The following RBMS3 variants were observed in gnomAD, a reference collection of about 807,000 sequenced individuals.
RBMS3 encodes the protein RNA binding motif single stranded interacting protein 3, also known as RNA-binding motif, single-stranded-interacting protein 3.
RBMS3 carries 27 observed loss-of-function variants against 66.8 expected under a neutral mutation model. The observed-to-expected ratio is 0.40, with a 90% CI of 0.30 to 0.56. RBMS3 has a LOEUF of 0.56. Among genes scored for constraint, RBMS3 ranks in the 20% least tolerant of loss-of-function variants. The pLI is 0.40. For missense variants in RBMS3, 513 were observed against 549.5 expected, an observed-to-expected ratio of 0.93 and a Z score of 0.66; for synonymous variants, 188 against 183.0, an observed-to-expected ratio of 1.03 and a Z score of -0.22.
intron 2 of RBMS3, among the ~76,000 whole-genome samples, chr3:29,486,169 G>A (rs976966605): frequency 6.6e-6 from 1 of 152,090 alleles, no homozygotes; most frequent in African/African-American, 2.4e-5. Flanking sequence ...TGTTGACTTT[G>A]CAGATCACAG....
chr3:29,352,701 A>T (rs887454737), intron 1 of RBMS3, among the ~76,000 whole-genome samples: 2 of 151,976 alleles, frequency 1.3e-5, no homozygotes, highest in Non-Finnish European at 2.9e-5. Flanking sequence ...GTCTAACTGT[A>T]TGTTTGTACC....
At chr3:29,853,894 G>A (rs994619690) in intron 6 of RBMS3, among the ~76,000 whole-genome samples, 6 of 152,142 alleles carry the variant, frequency 3.9e-5, no homozygotes, top group African/African-American at 1.4e-4. Context: ...AGGGAGACCT[G>A]GGTGATCAGC....
chr3:29,973,712 A>G (rs768343288), intron 12 of RBMS3, among the ~76,000 whole-genome samples: 5 of 151,974 alleles, frequency 3.3e-5, no homozygotes, highest in Non-Finnish European at 5.9e-5. Context: ...ATTCTATCCT[A>G]GAATTTATCT....
intron 2 of RBMS3, among the ~76,000 whole-genome samples, chr3:29,470,967 C>G (rs1341670609): frequency 6.6e-6 from 1 of 151,894 alleles, no homozygotes; most frequent in Non-Finnish European, 1.5e-5. Flanking sequence ...TGTAACTTGC[C>G]CTGATAAAAT....
chr3:29,928,474 T>C (rs2061013399), intron 10 of RBMS3, among the ~76,000 whole-genome samples: 2 of 151,952 alleles, frequency 1.3e-5, no homozygotes, highest in Admixed American at 1.3e-4. Context: ...CTTGTGCTGT[T>C]TTTGATTCCT....
intron 4 of RBMS3, among the ~76,000 whole-genome samples, chr3:29,646,586 G>A (rs1360962839): frequency 2.6e-5 from 4 of 151,416 alleles, no homozygotes; most frequent in Non-Finnish European, 5.9e-5. Flanking sequence ...TTTAAATACT[G>A]GTTTAAGTTT....
chr3:29,296,242 G>A (rs765278948), intron 1 of RBMS3, among the ~76,000 whole-genome samples: 3 of 151,792 alleles, frequency 2.0e-5, no homozygotes, highest in African/African-American at 7.3e-5. Context: ...AGCAGTCAAG[G>A]ACAATGTTAA....
chr3:29,614,943 C>T (rs2048612645), intron 4 of RBMS3: 1 of 152,192 alleles, frequency 6.6e-6, no homozygotes. Context: ...TATTTTCCCA[C>T]TCAAAGTGTT....
At chr3:29,950,002 A>G (rs1216484689) in intron 12 of RBMS3, among the ~76,000 whole-genome samples, 9 of 151,828 alleles carry the variant, frequency 5.9e-5, no homozygotes, top group African/African-American at 2.2e-4. Flanking sequence ...ATTGTTGATT[A>G]GTGTCCACTG....
At chr3:29,984,356 C>T (rs1186837989) in intron 12 of RBMS3, among the ~76,000 whole-genome samples, 3 of 151,938 alleles carry the variant, frequency 2.0e-5, no homozygotes, top group Non-Finnish European at 4.4e-5. Flanking sequence ...TGGGTTAGAA[C>T]ATGCTCCTTT....
intron 3 of RBMS3, among the ~76,000 whole-genome samples, chr3:29,495,729 T>C (rs2043723861): frequency 6.6e-6 from 1 of 152,054 alleles, no homozygotes; most frequent in Non-Finnish European, 1.5e-5. Flanking sequence ...GAAATACAGA[T>C]TTCTGTGTTG....
intron 1 of RBMS3, among the ~76,000 whole-genome samples, chr3:29,312,943 G>A (rs1236487536): frequency 6.6e-6 from 1 of 151,632 alleles, no homozygotes; most frequent in Non-Finnish European, 1.5e-5. Context: ...CCCCTGCAGT[G>A]CCATTCACGT....
intron 14 of RBMS3, among the ~76,000 whole-genome samples, chr3:30,001,636 C>T (rs1425149754): frequency 1.3e-5 from 2 of 151,886 alleles, no homozygotes; most frequent in African/African-American, 4.8e-5. Flanking sequence ...ATGTCCTTCA[C>T]ATTTGTGAGT....
intron 1 of RBMS3, among the ~76,000 whole-genome samples, chr3:29,418,380 A>T (rs1294738352): frequency 6.6e-6 from 1 of 152,196 alleles, no homozygotes; most frequent in Non-Finnish European, 1.5e-5. Context: ...TGAAATTGCT[A>T]ACATATGACA....
chr3:29,434,808 C>T lies in RBMS3; in HGVS notation c.141C>T (p.Asn47=). The T allele has an allele frequency of 6.2e-7, 1 of 1,613,858 alleles. No individual in the cohort carries two copies. The highest frequency in any genetic ancestry group is 8.5e-7 in the Non-Finnish European group (1 of 1,179,826). The part of the protein sequence containing the change: ...PPSPSTNSSS[N]NSSNNSSGEQ... ...GCCCCAGCACAAACAGCAGCAGCAA[C>T]AACAGCAGCAACAACAGCAGCGGGG... Residue 47 remains asparagine, a synonymous_variant, in exon 2 of 15, where the codon AAC becomes AAT. Coordinates refer to ENST00000383767, the MANE Select transcript of RBMS3 (RefSeq NM_001003793.3).
chr3:29,837,777 C>T (rs1054165692), intron 6 of RBMS3, among the ~76,000 whole-genome samples: 2 of 143,066 alleles, frequency 1.4e-5, no homozygotes, highest in Non-Finnish European at 3.0e-5. Flanking sequence ...CCTTAATGAT[C>T]ATGTGTTCTG....
chr3:29,912,885 A>G (rs1313958791), intron 10 of RBMS3, among the ~76,000 whole-genome samples: 1 of 151,968 alleles, frequency 6.6e-6, no homozygotes. Context: ...TTTACCTCTC[A>G]TGGAAAAGAT....
At chr3:29,733,993 C>T (rs899948418) in intron 4 of RBMS3, among the ~76,000 whole-genome samples, 1 of 151,804 alleles carries the variant, frequency 6.6e-6, no homozygotes, top group Non-Finnish European at 1.5e-5. Flanking sequence ...TTTTATAGCA[C>T]CATTTAAAAA....
intron 1 of RBMS3, among the ~76,000 whole-genome samples, chr3:29,371,334 G>T (rs531632801): frequency 6.6e-6 from 1 of 152,198 alleles, no homozygotes; most frequent in African/African-American, 2.4e-5. Context: ...CATTTGATTG[G>T]TTTTGCCAGT....
Sources: allele counts gnomAD v4.1 joint callset (sites outside exome capture counted in the v4.1 genomes callset), GRCh38; gene constraint gnomAD v4.1.1; transcripts MANE v1.5; gene names NCBI Gene and HGNC (gene_info 2026-07-23, HGNC 2026-07-21).